Variants in ADCK1 observed in about 807,000 individuals in gnomAD.
The protein encoded by ADCK1 is aarF domain containing kinase 1, also known as aarF domain-containing protein kinase 1.
In ADCK1, 41 loss-of-function variants were observed where a neutral mutation model predicts 52.3. The observed-to-expected ratio is 0.78, with a 90% CI of 0.61 to 1.02. The LOEUF (loss-of-function observed/expected upper bound fraction) is 1.02. Among genes scored for constraint, ADCK1 ranks in the 50% least tolerant of loss-of-function variants. The pLI, the probability that ADCK1 is intolerant of heterozygous loss-of-function variation, is 0.00. For missense variants in ADCK1, 658 were observed against 679.5 expected, an observed-to-expected ratio of 0.97 and a Z score of 0.35; for synonymous variants, 250 against 274.6, an observed-to-expected ratio of 0.91 and a Z score of 0.89.
chr14:77,881,136 T>C (rs971224927), intron 4 of ADCK1, among the ~76,000 whole-genome samples: 3 of 152,246 alleles, frequency 2.0e-5, no homozygotes, highest in African/African-American at 7.2e-5. Flanking sequence ...AATAAACATT[T>C]GTTATCTTAC....
At chr14:77,903,861 A>T (rs2083601518) in intron 6 of ADCK1, among the ~76,000 whole-genome samples, 1 of 152,196 alleles carries the variant, frequency 6.6e-6, no homozygotes, top group Non-Finnish European at 1.5e-5. Flanking sequence ...GATGGATAGT[A>T]ATTAATATAT....
At chr14:77,817,580 G>T (rs915482806) in intron 1 of ADCK1, among the ~76,000 whole-genome samples, 3 of 152,200 alleles carry the variant, frequency 2.0e-5, no homozygotes, top group Admixed American at 6.5e-5. Context: ...GTGGGGAAAG[G>T]TCACATTGAC....
chr14:77,827,885 T>C (rs975800098), intron 3 of ADCK1: 1 of 408,798 alleles, frequency 2.4e-6, no homozygotes, highest in Non-Finnish European at 4.8e-6. Flanking sequence ...CTGGAGTGCA[T>C]TGGCGTGATC....
chr14:77,918,522 TAAGC>T (rs1484471174), intron 7 of ADCK1, among the ~76,000 whole-genome samples: 2 of 152,206 alleles, frequency 1.3e-5, no homozygotes, highest in South Asian at 4.1e-4. Flanking sequence ...GATCTGTTCT[TAAGC>T]AAGACACATA....
At chr14:77,842,593 C>G (rs369241645) in intron 3 of ADCK1, among the ~76,000 whole-genome samples, 1 of 151,332 alleles carries the variant, frequency 6.6e-6, no homozygotes, top group East Asian at 1.9e-4. Context: ...GAGTCTCACT[C>G]TGTCACCCAG....
intron 5 of ADCK1, among the ~76,000 whole-genome samples, chr14:77,887,529 ACCTCAGGG>A (rs745810221): frequency 1.3e-5 from 2 of 152,092 alleles, no homozygotes; most frequent in Non-Finnish European, 2.9e-5. Flanking sequence ...GGCCAAGGGG[ACCTCAGGG>A]AAGGGATGTT....
intron 3 of ADCK1, among the ~76,000 whole-genome samples, chr14:77,856,896 G>T (rs1337515447): frequency 6.6e-6 from 1 of 152,108 alleles, no homozygotes; most frequent in Non-Finnish European, 1.5e-5. Context: ...TAGTTACTCA[G>T]GAGGCTGAGG....
At chr14:77,901,130 CG>C (rs890054486) in intron 6 of ADCK1, among the ~76,000 whole-genome samples, 22 of 151,496 alleles carry the variant, frequency 1.5e-4, no homozygotes, top group Admixed American at 2.6e-4. Context: ...CTGCAGTCTC[CG>C]CCTCCTGGGT....
chr14:77,888,473 C>G (rs1279986716), intron 5 of ADCK1, among the ~76,000 whole-genome samples: 1 of 152,092 alleles, frequency 6.6e-6, no homozygotes, highest in Non-Finnish European at 1.5e-5. Context: ...AGGGGACTGT[C>G]ATGATCAGAT....
chr14:77,931,642 C>T lies in ADCK1; in HGVS notation c.1331C>T (p.Ala444Val). ...GACCTGCTGCGTGGCATTGAGGCCG[C>T]CCTGGGCACCCGCGCCAGCGCCAGC... The part of the protein sequence containing the change: ...TNDLLRGIEA[A>V]LGTRASASSF... The change falls in exon 10 of 11, where the codon GCC becomes GTC. Residue 444 changes from alanine to valine, a missense_variant. Transcript: ENST00000238561. 3 of 1,611,926 alleles carry T rather than the reference C, an allele frequency of 1.9e-6. No homozygotes were observed. Among genetic ancestry groups the T allele is most frequent in the Non-Finnish European group, 1.7e-6 (2 of 1,180,026 alleles).
At chr14:77,858,124 C>T (rs939903692) in intron 3 of ADCK1, among the ~76,000 whole-genome samples, 5 of 152,286 alleles carry the variant, frequency 3.3e-5, no homozygotes, top group South Asian at 2.1e-4. Flanking sequence ...TGCCTCATAC[C>T]CCCCACTACA....
At chr14:77,930,956 T>C (rs899262162) in intron 9 of ADCK1, among the ~76,000 whole-genome samples, 3 of 152,150 alleles carry the variant, frequency 2.0e-5, no homozygotes, top group African/African-American at 7.2e-5. Context: ...GCTGTGGCGA[T>C]GACCAGCATG....
At chr14:77,908,156 CT>C in intron 7 of ADCK1, 1 of 377,990 alleles carries the variant, frequency 2.6e-6, no homozygotes, top group Non-Finnish European at 4.9e-6. Flanking sequence ...CCATTACCTG[CT>C]TTTCCTTTGT....
intron 7 of ADCK1, among the ~76,000 whole-genome samples, chr14:77,910,298 G>A (rs2083763291): frequency 2.0e-5 from 3 of 152,112 alleles, no homozygotes; most frequent in Admixed American, 1.3e-4. Context: ...TACAGATGGG[G>A]TGAAAAGTTC....
intron 3 of ADCK1, among the ~76,000 whole-genome samples, chr14:77,834,484 A>G (rs1445112024): frequency 6.6e-6 from 1 of 152,148 alleles, no homozygotes; most frequent in Non-Finnish European, 1.5e-5. Flanking sequence ...CTCTTTTCCT[A>G]GCTCACACCA....
chr14:77,927,220 C>T (rs573252445), intron 9 of ADCK1, among the ~76,000 whole-genome samples: 1 of 152,242 alleles, frequency 6.6e-6, no homozygotes, highest in Non-Finnish European at 1.5e-5. Flanking sequence ...CCGTCCCCAT[C>T]TCTCGGCTCC....
chr14:77,844,370 C>T (rs2082134064), intron 3 of ADCK1, among the ~76,000 whole-genome samples: 1 of 152,130 alleles, frequency 6.6e-6, no homozygotes, highest in South Asian at 2.1e-4. Flanking sequence ...TGTGAGCCAC[C>T]ACGCCTGGCC....
chr14:77,857,692 C>A (rs2082450273), intron 3 of ADCK1, among the ~76,000 whole-genome samples: 1 of 152,234 alleles, frequency 6.6e-6, no homozygotes, highest in Admixed American at 6.5e-5. Context: ...TATACAGGAT[C>A]TTTGAATGCT....
intron 9 of ADCK1, among the ~76,000 whole-genome samples, chr14:77,928,488 GTC>G (rs921283096): frequency 1.3e-5 from 2 of 149,648 alleles, no homozygotes; most frequent in Non-Finnish European, 3.0e-5. Context: ...TTGAGACAGA[GTC>G]TCTCTCTCTT....
Sources: gnomAD v4.1 joint callset for allele counts (sites outside exome capture counted in the v4.1 genomes callset) on GRCh38, gnomAD v4.1.1 for gene constraint, MANE v1.5 for transcripts, NCBI Gene and HGNC (gene_info 2026-07-23, HGNC 2026-07-21) for gene names.